The following DPT variants were observed in gnomAD, a reference collection of about 807,000 sequenced individuals.
DPT encodes dermatopontin.
Under a neutral mutation model 31.2 loss-of-function variants are expected in DPT, and 21 were observed. That is an observed-to-expected ratio of 0.67 (90% CI 0.48 to 0.97). DPT has a LOEUF of 0.97. Among genes scored for constraint, DPT ranks in the 50% least tolerant of loss-of-function variants. DPT has a pLI of 0.00. For missense variants in DPT, 262 were observed against 258.8 expected (o/e 1.01, Z -0.08); for synonymous variants, 91 against 86.9 (o/e 1.05, Z -0.26).
chr1:168,706,770 A>C (rs1190075161), intron 2 of DPT, among the ~76,000 whole-genome samples: 2 of 152,250 alleles, frequency 1.3e-5, no homozygotes, highest in African/African-American at 4.8e-5. Flanking sequence ...AGCTTAAATG[A>C]GTAGAGGAAA....
At chr1:168,699,200 T>C (rs966722579) in intron 3 of DPT, among the ~76,000 whole-genome samples, 1 of 152,180 alleles carries the variant, frequency 6.6e-6, no homozygotes. Context: ...CTAATTTTCT[T>C]GTTGAGCTGA....
intron 1 of DPT, among the ~76,000 whole-genome samples, chr1:168,724,781 C>T (rs146667681): frequency 3.9e-5 from 6 of 152,204 alleles, no homozygotes; most frequent in African/African-American, 1.4e-4. Flanking sequence ...AAACGGAGTT[C>T]CCACCCAACC....
intron 2 of DPT, among the ~76,000 whole-genome samples, chr1:168,709,939 A>T (rs1649814227): frequency 6.6e-6 from 1 of 152,228 alleles, no homozygotes. Context: ...AAACATCATC[A>T]CATCAATGTC....
intron 2 of DPT, among the ~76,000 whole-genome samples, chr1:168,705,917 T>C (rs544416120): frequency 1.9e-3 from 285 of 152,334 alleles, no homozygotes; most frequent in Non-Finnish European, 3.4e-3. Flanking sequence ...GCACAAGCTC[T>C]CTTTCTGCCT....
chr1:168,719,431 G>C (rs910077456), intron 1 of DPT, among the ~76,000 whole-genome samples: 1 of 152,138 alleles, frequency 6.6e-6, no homozygotes, highest in Non-Finnish European at 1.5e-5. Context: ...GAACAGGACT[G>C]GGGGAACTGT....
At chr1:168,702,851 A>T (rs1055153135) in intron 2 of DPT, among the ~76,000 whole-genome samples, 1 of 151,974 alleles carries the variant, frequency 6.6e-6, no homozygotes, top group Non-Finnish European at 1.5e-5. Context: ...ACCTTAAGTG[A>T]TCCACCCGCC....
chr1:168,715,372 T>C (rs1168803620), intron 1 of DPT, among the ~76,000 whole-genome samples: 1 of 151,900 alleles, frequency 6.6e-6, no homozygotes, highest in Non-Finnish European at 1.5e-5. Context: ...CACTATTTTC[T>C]ACCTGACCAC....
At chr1:168,723,457 G>A (rs1650166906) in intron 1 of DPT, among the ~76,000 whole-genome samples, 1 of 152,204 alleles carries the variant, frequency 6.6e-6, no homozygotes, top group Non-Finnish European at 1.5e-5. Flanking sequence ...ATTTGGTAGT[G>A]AATGAATAAA....
At chr1:168,712,782 G>A (rs925144205) in intron 2 of DPT, among the ~76,000 whole-genome samples, 1 of 152,198 alleles carries the variant, frequency 6.6e-6, no homozygotes, top group Non-Finnish European at 1.5e-5. Context: ...TTCAACTTAT[G>A]ATCCAGGGGT....
chr1:168,714,084 T>C, intron 2 of DPT, 137 bp downstream of exon 2: 4 of 1,114,936 alleles, frequency 3.6e-6, no homozygotes, highest in Non-Finnish European at 5.1e-6. Flanking sequence ...CCTAAGTCAT[T>C]CATTCATTCT....
At chr1:168,715,567 A>C (rs1649964359) in intron 1 of DPT, among the ~76,000 whole-genome samples, 1 of 150,634 alleles carries the variant, frequency 6.6e-6, no homozygotes, top group Admixed American at 6.7e-5. Context: ...AAGATATTAT[A>C]ATTCATTTTA....
At chr1:168,728,697 T>C (rs1265568705) in intron 1 of DPT, among the ~76,000 whole-genome samples, 173 bp downstream of exon 1, 1 of 152,148 alleles carries the variant, frequency 6.6e-6, no homozygotes, top group African/African-American at 2.4e-5. Context: ...TGTCCTGTCA[T>C]GTAGTCCGCT....
At chr1:168,725,525 G>C (rs1486893175) in intron 1 of DPT, among the ~76,000 whole-genome samples, 1 of 152,142 alleles carries the variant, frequency 6.6e-6, no homozygotes, top group Admixed American at 6.6e-5. Flanking sequence ...CCTACAGCCT[G>C]TGCTGACCCA....
intron 2 of DPT, among the ~76,000 whole-genome samples, chr1:168,705,639 G>C (rs1649703747): frequency 6.6e-6 from 1 of 152,168 alleles, no homozygotes; most frequent in Admixed American, 6.5e-5. Flanking sequence ...AGCTTCTGTT[G>C]GTCATTCAAT....
intron 2 of DPT, among the ~76,000 whole-genome samples, chr1:168,710,703 C>T (rs183018614): frequency 1.5e-4 from 23 of 152,170 alleles, no homozygotes; most frequent in South Asian, 4.2e-4. Flanking sequence ...GTGAGAGGAA[C>T]GATACCTAGC....
At chr1:168,698,088 AAACACTAT>A (rs1649503992) in intron 3 of DPT, among the ~76,000 whole-genome samples, 1 of 152,162 alleles carries the variant, frequency 6.6e-6, no homozygotes, top group Non-Finnish European at 1.5e-5. Flanking sequence ...AATTTATCCT[AAACACTAT>A]GACTAACAAG....
intron 1 of DPT, among the ~76,000 whole-genome samples, chr1:168,719,349 C>T (rs1650049499): frequency 1.3e-5 from 2 of 152,208 alleles, no homozygotes; most frequent in African/African-American, 4.8e-5. Flanking sequence ...TAACAAGACT[C>T]ACCTAAACAC....
Position 168,714,289 on chromosome 1 carries a change from C to T in DPT, c.363G>A (p.Glu121=). The T allele has an allele frequency of 1.9e-6, 3 of 1,614,134 alleles. No homozygotes were observed. Among genetic ancestry groups the T allele is most frequent in the Non-Finnish European group, 2.5e-6 (3 of 1,180,022 alleles). The change falls in exon 2 of 4, where the codon GAG becomes GAA. Residue 121 remains glutamate (E), a synonymous_variant. Transcript: ENST00000367817. The part of the protein sequence containing the change: ...LVAGFQSRYF[E]SVLDREWQFY... ...ACTGCCACTCCCGATCCAGCACTGA[C>T]TCGAAGTAGCGGCTCTGGAATCCTG...
intron 1 of DPT, among the ~76,000 whole-genome samples, chr1:168,722,102 T>C (rs551843738): frequency 6.6e-6 from 1 of 152,312 alleles, no homozygotes; most frequent in African/African-American, 2.4e-5. Context: ...CTAGATTATC[T>C]TGTGAGATGC....
Sources: allele counts gnomAD v4.1 joint callset (sites outside exome capture counted in the v4.1 genomes callset), GRCh38; gene constraint gnomAD v4.1.1; transcripts MANE v1.5; gene names NCBI Gene and HGNC (gene_info 2026-07-23, HGNC 2026-07-21).